The following RHOQ variants were observed in gnomAD, a reference collection of about 807,000 sequenced individuals.
The protein encoded by RHOQ is ras homolog family member Q, also known as rho-related GTP-binding protein RhoQ.
Under a neutral mutation model 25.8 loss-of-function variants are expected in RHOQ, and 7 were observed. The ratio of observed to expected loss-of-function variants is 0.27; its 90% CI spans 0.15 to 0.51. RHOQ has a LOEUF of 0.51. Among genes scored for constraint, RHOQ ranks in the 20% least tolerant of loss-of-function variants. The probability of loss-of-function intolerance (pLI) is 0.97; values close to 1 mark genes in which losing one functional copy is unlikely to be tolerated. For synonymous variants in RHOQ, 97 were observed against 98.6 expected, an observed-to-expected ratio of 0.98 and a Z score of 0.10; for missense variants, 165 against 260.6, an observed-to-expected ratio of 0.63 and a Z score of 2.53.
chr2:46,565,372 T>G (rs1440169239), intron 2 of RHOQ, among the ~76,000 whole-genome samples: 1 of 152,220 alleles, frequency 6.6e-6, no homozygotes, highest in East Asian at 1.9e-4. Flanking sequence ...GTCAACTGTA[T>G]TCTCCATACC....
intron 2 of RHOQ, among the ~76,000 whole-genome samples, chr2:46,546,466 A>ATG (rs1668052038): frequency 5.2e-4 from 3 of 5,724 alleles, no homozygotes; most frequent in African/African-American, 1.8e-3. Context: ...ATATATATAT[A>ATG]TATATATGTG....
chr2:46,580,371 C>T (rs1389033344), intron 4 of RHOQ: 1 of 152,330 alleles, frequency 6.6e-6, no homozygotes, highest in African/African-American at 2.4e-5. Context: ...TCAAATACCA[C>T]ATCCTCAGTG....
rs1424431503 is a variant in RHOQ, at chr2:46,576,117, T to C, written c.232T>C (p.Tyr78His). Residue 78 changes from tyrosine to histidine, a missense_variant, in exon 3 of 5, where the codon TAC (tyrosine) becomes CAC (histidine). Tyr to His is a moderately conservative substitution (Grantham distance 83). Transcript: ENST00000238738. The surrounding 1 kb of genome is among the most constrained non-coding windows in gnomAD (Gnocchi z 5.1). ...EDYDRLRPLS[Y>H]PMTDVFLICF... Reference sequence around the variant, plus strand: ...CTATGACCGTCTGAGGCCTTTATCTTACCCAATGACCGATGTCTTCCTTAT... The same window carrying C: ...CTATGACCGTCTGAGGCCTTTATCTCACCCAATGACCGATGTCTTCCTTAT... The C allele has an allele frequency of 3.7e-6, 6 of 1,611,396 alleles. No homozygotes were observed. Among genetic ancestry groups the C allele is most frequent in the Non-Finnish European group, 5.1e-6 (6 of 1,179,036 alleles).
At chr2:46,577,565 ATTTTTTTTTTTTT>A (rs908178158) in intron 4 of RHOQ, among the ~76,000 whole-genome samples, 20 of 64,948 alleles carry the variant, frequency 3.1e-4, no homozygotes, top group Admixed American at 5.2e-4. Flanking sequence ...ACACCCGGCT[ATTTTTTTTTTTTT>A]TTTTTTTTTT....
intron 1 of RHOQ, 57 bp downstream of exon 1, chr2:46,543,245 A>G: frequency 1.2e-6 from 2 of 1,602,162 alleles, no homozygotes; most frequent in African/African-American, 1.3e-5. Flanking sequence ...ACTTTGGAGC[A>G]ACTTTGGCGG....
chr2:46,579,795 A>T (rs1050570626), intron 4 of RHOQ, among the ~76,000 whole-genome samples: 11 of 152,008 alleles, frequency 7.2e-5, no homozygotes, highest in Non-Finnish European at 1.3e-4. Context: ...TGATGAGCCA[A>T]GATCGAACCA....
chr2:46,543,183 A>G lies in RHOQ; in HGVS notation c.137A>G (p.Tyr46Cys). ...EEYVPTVFDH[Y>C]AVSVTVGGKQ... ...TACGTGCCCACCGTCTTCGACCACT[A>G]CGCAGGTAAGCCTCGGAACTGCTGA... is the stretch of plus-strand genomic sequence containing the variant. The change falls in exon 1 of 5, where the codon TAC (tyrosine) becomes TGC (cysteine). Residue 46 changes from tyrosine to cysteine, a missense_variant. Transcript: ENST00000238738. The G allele has an allele frequency of 1.2e-6, 2 of 1,611,842 alleles. No homozygotes were observed.
At chr2:46,543,668 G>T in intron 1 of RHOQ, 86 bp from the exon 2 acceptor site, 1 of 1,219,364 alleles carries the variant, frequency 8.2e-7, no homozygotes, top group Non-Finnish European at 1.2e-6. Context: ...TGGGTTGGGA[G>T]AGGAGGGTCC....
chr2:46,553,834 C>T (rs531766984), intron 2 of RHOQ, among the ~76,000 whole-genome samples: 44 of 152,304 alleles, frequency 2.9e-4, no homozygotes, highest in Admixed American at 2.4e-3. Context: ...ACTTCAGCCT[C>T]CCAAAGTGCT....
chr2:46,559,895 G>T (rs559247903), intron 2 of RHOQ, among the ~76,000 whole-genome samples: 2 of 152,288 alleles, frequency 1.3e-5, no homozygotes, highest in East Asian at 3.9e-4. Flanking sequence ...AGTGTTGGAG[G>T]GGGGTCTCAA....
intron 2 of RHOQ, among the ~76,000 whole-genome samples, chr2:46,549,054 A>T (rs1039852786): frequency 1.3e-5 from 2 of 152,116 alleles, no homozygotes; most frequent in Non-Finnish European, 1.5e-5. Flanking sequence ...ATGCCTCATA[A>T]TCGGGCACAT....
intron 2 of RHOQ, among the ~76,000 whole-genome samples, chr2:46,564,428 G>A (rs1464008834): frequency 6.6e-6 from 1 of 152,184 alleles, no homozygotes; most frequent in Non-Finnish European, 1.5e-5. Flanking sequence ...CTCAGAAATT[G>A]TGTGTGTTTT....
At chr2:46,551,628 G>C (rs573114371) in intron 2 of RHOQ, among the ~76,000 whole-genome samples, 2 of 152,264 alleles carry the variant, frequency 1.3e-5, no homozygotes, top group South Asian at 4.1e-4. Context: ...TGTGTTGCTG[G>C]TTGATTTTAA....
chr2:46,580,879 T>C (rs560450461), intron 4 of RHOQ, 49 bp from the exon 5 acceptor site: 54 of 1,317,474 alleles, frequency 4.1e-5, no homozygotes, highest in Non-Finnish European at 4.9e-5. Flanking sequence ...GTCATGCCAA[T>C]TGTATAAACA....
rs71423915 is a variant in RHOQ, at chr2:46,565,169, C to T, written c.202-10918C>T. On this transcript the variant is annotated intron_variant, in intron 2 of 4. Transcript: ENST00000238738. ...TCATGTGCCCACCAAAAACCAGCGA[C>T]TTAGTGGGAGGGGCAGGAGTGGGGA... Among the ~76,000 whole-genome samples the T allele has an allele frequency of 5.3e-3, 813 of 152,240 alleles. 4 individuals carry two copies. Among genetic ancestry groups the T allele is most frequent in the Non-Finnish European group, 8.2e-3 (557 of 68,014 alleles).
Position 46,584,022 on chromosome 2 carries a change from T to A in RHOQ, c.*2939T>A, listed in dbSNP as rs1572765028. On this transcript the variant is annotated 3_prime_UTR_variant, in exon 5 of 5. Transcript: ENST00000238738. ...TTAGGTTAGCTCATGGTGAATTCTA[T>A]TTACAATAAGTGGAGCTTGGATTAA... 6.6e-6 allele frequency among the ~76,000 whole-genome samples: 1 copy of A among 152,316 alleles called. No homozygotes were observed. Among genetic ancestry groups the A allele is most frequent in the South Asian group, 2.1e-4 (1 of 4,832 alleles).
intron 2 of RHOQ, among the ~76,000 whole-genome samples, chr2:46,546,668 C>T (rs1054586045): frequency 1.7e-4 from 26 of 150,952 alleles, no homozygotes; most frequent in Non-Finnish European, 2.9e-4. Flanking sequence ...CTAGTAAAAA[C>T]GTGAATAATT....
rs1669121539 is a variant in RHOQ at position 46,576,222 on chromosome 2, A to G, written c.337A>G (p.Asn113Asp). ...ACCGGAACTTAAGGAATACGCACCA[A>G]ATGTACCCTTTTTATTAATAGGAAC... is the stretch of plus-strand genomic sequence containing the variant. ...WVPELKEYAP[N>D]VPFLLIGTQI... Residue 113 changes from asparagine to aspartate, a missense_variant, in exon 3 of 5, where the codon AAT (asparagine) becomes GAT (aspartate). Coordinates refer to ENST00000238738, the MANE Select transcript of RHOQ (RefSeq NM_012249.4). The surrounding 1 kb of genome is among the most constrained non-coding windows in gnomAD (Gnocchi z 5.1). The G allele has an allele frequency of 6.2e-7, 1 of 1,609,554 alleles. No individual in the cohort carries two copies. Among genetic ancestry groups the G allele is most frequent in the South Asian group, 1.1e-5 (1 of 90,808 alleles).
chr2:46,543,474 T>G, intron 1 of RHOQ: 1 of 598,598 alleles, frequency 1.7e-6, no homozygotes, highest in Non-Finnish European at 3.0e-6. Context: ...TCCCCTTTCC[T>G]ACTGCCCCAA....
Sources: gnomAD v4.1 joint callset for allele counts (sites outside exome capture counted in the v4.1 genomes callset) on GRCh38, gnomAD v4.1.1 for gene constraint, Gnocchi (gnomAD v3.1) non-coding constraint, MANE v1.5 for transcripts, NCBI Gene and HGNC (gene_info 2026-07-23, HGNC 2026-07-21) for gene names.